PCNT: variants seen among roughly 807,000 people sequenced by gnomAD.
The protein encoded by PCNT is kendrin.
Under a neutral mutation model 380.4 loss-of-function variants are expected in PCNT, and 319 were observed. The observed-to-expected ratio is 0.84, with a 90% CI of 0.77 to 0.92. The LOEUF (loss-of-function observed/expected upper bound fraction) is 0.92. Ranked by LOEUF, PCNT falls within the 40% of genes least tolerant of loss-of-function variation. The pLI, the probability that PCNT is intolerant of heterozygous loss-of-function variation, is 0.00. For synonymous variants in PCNT, 1,845 were observed against 1,735.2 expected (o/e 1.06, Z -1.57); for missense variants, 4,400 against 4,255.3 (o/e 1.03, Z -0.95).
chr21:46,368,721 G>A (rs951186834), intron 15 of PCNT, among the ~76,000 whole-genome samples: 6 of 152,268 alleles, frequency 3.9e-5, no homozygotes, highest in Admixed American at 1.3e-4. Flanking sequence ...TCTCCCTGCA[G>A]GAAGGGGATG....
rs949466426 is a variant in PCNT, at chr21:46,425,477, A to G, written c.7180-354A>G. Among the ~76,000 whole-genome samples the G allele has an allele frequency of 6.6e-6, 1 of 152,212 alleles. No individual in the cohort carries two copies. The highest frequency in any genetic ancestry group is 1.5e-5 in the Non-Finnish European group (1 of 68,034). On this transcript the variant is annotated intron_variant, in intron 32 of 46. Coordinates refer to ENST00000359568, the MANE Select transcript of PCNT (RefSeq NM_006031.6). The surrounding 1 kb of genome is among the most constrained non-coding windows in gnomAD (Gnocchi z 4.2). ...ATATGTTTGTGATCTCGCTGTGGAC[A>G]TTGGCCTAAAGCCCTGCCCTGAGCT...
In PCNT at chr21:46,357,090, C is replaced by A. The variant is rs1264450771; in HGVS notation, c.2053C>A (p.Gln685Lys). ...GCACAAGGTGCAACTTTCGCTTCTT[C>A]AGACTGAGCTCAAAGAAGAAATTGA... ...TEHKVQLSLL[Q>K]TELKEEIELL... The change falls in exon 13 of 47, where the codon CAG becomes AAG. Residue 685 changes from glutamine to lysine, a missense_variant. Physicochemically the swap from Gln to Lys is moderately conservative, Grantham distance 53. Coordinates refer to ENST00000359568, the MANE Select transcript of PCNT (RefSeq NM_006031.6). The A allele has an allele frequency of 1.2e-5, 19 of 1,613,614 alleles. No individual in the cohort carries two copies. Among genetic ancestry groups the A allele is most frequent in the Non-Finnish European group, 1.4e-5 (16 of 1,179,508 alleles).
chr21:46,403,807 A>G (rs1388193926), intron 27 of PCNT, among the ~76,000 whole-genome samples: 3 of 139,712 alleles, frequency 2.1e-5, no homozygotes, highest in Admixed American at 7.2e-5. Flanking sequence ...TGTGGTGCCC[A>G]CGCGGCACGT....
At chr21:46,436,756 C>T (rs1376553847) in intron 39 of PCNT, among the ~76,000 whole-genome samples, 4 of 152,000 alleles carry the variant, frequency 2.6e-5, no homozygotes, top group African/African-American at 4.8e-5. Context: ...TGCTCGGTGG[C>T]GCGCCTCCCG....
intron 21 of PCNT, among the ~76,000 whole-genome samples, chr21:46,396,152 A>C (rs1440496150): frequency 6.6e-6 from 1 of 152,232 alleles, no homozygotes; most frequent in East Asian, 1.9e-4. Flanking sequence ...TTTTTCCAAG[A>C]CGCTTTTTCA....
At chr21:46,372,092 TAGCACATGTGCATACAC>T (rs1569214394) in intron 15 of PCNT, among the ~76,000 whole-genome samples, 4 of 126,046 alleles carry the variant, frequency 3.2e-5, no homozygotes, top group Non-Finnish European at 6.6e-5. Flanking sequence ...TGCGCACACA[TAGCACATGTGCATACAC>T]AGCACATGCA....
chr21:46,352,365 G>GT (rs1257420799), intron 9 of PCNT, among the ~76,000 whole-genome samples: 1 of 152,158 alleles, frequency 6.6e-6, no homozygotes, highest in East Asian at 1.9e-4. Flanking sequence ...TTCCTCTGGG[G>GT]GTCTGTCTGT....
intron 43 of PCNT, among the ~76,000 whole-genome samples, chr21:46,442,291 G>A (rs1041701416): frequency 4.6e-5 from 7 of 152,072 alleles, no homozygotes; most frequent in Non-Finnish European, 1.0e-4. Flanking sequence ...TGGGAAGGTC[G>A]CCGCCGCCGG....
intron 9 of PCNT, among the ~76,000 whole-genome samples, 175 bp from the exon 10 acceptor site, chr21:46,352,929 A>T (rs1170837779): frequency 6.6e-6 from 1 of 152,176 alleles, no homozygotes; most frequent in Non-Finnish European, 1.5e-5. Context: ...AGAGCTCTCC[A>T]CATTCAGGGG....
At chr21:46,405,903 T>C (rs1295591442) in intron 27 of PCNT, among the ~76,000 whole-genome samples, 1 of 152,340 alleles carries the variant, frequency 6.6e-6, no homozygotes, top group African/African-American at 2.4e-5. Flanking sequence ...TCTTGTGGGA[T>C]TTTTCTTACA....
chr21:46,381,728 A>G lies in PCNT; in HGVS notation c.3200A>G (p.His1067Arg), dbSNP rs536116120. The G allele has an allele frequency of 1.2e-5, 20 of 1,614,212 alleles. No individual in the cohort carries two copies. The highest frequency in any genetic ancestry group is 4.5e-5 in the East Asian group (2 of 44,892). Residue 1067 changes from histidine (H) to arginine (R), a missense_variant, in exon 16 of 47, where the codon CAT becomes CGT. By Grantham distance (29) the His-to-Arg change is conservative. Transcript: ENST00000359568. ...EFGSEKKTAL[H>R]EKEETLRLQS... is the part of the protein sequence containing the mutation. ...GGAAGTGAAAAGAAAACTGCTTTGC[A>G]TGAAAAAGAGGAGACACTTCGGCTT...
At chr21:46,422,158 C>G in intron 32 of PCNT, 34 bp downstream of exon 32, 1 of 1,611,542 alleles carries the variant, frequency 6.2e-7, no homozygotes, top group Non-Finnish European at 8.5e-7. Context: ...CACAGCTTCA[C>G]ATGTGCAGCC....
intron 32 of PCNT, among the ~76,000 whole-genome samples, chr21:46,422,532 A>G (rs1258743542): frequency 4.6e-5 from 7 of 152,340 alleles, no homozygotes; most frequent in African/African-American, 1.4e-4. Flanking sequence ...GAAGCCACTC[A>G]GCCTCCTTGG....
Position 46,411,879 on chromosome 21 carries a change from C to T in PCNT, c.5806C>T (p.Leu1936=). 1.3e-6 allele frequency: 2 copies of T among 1,571,702 alleles called. No homozygotes were observed. Among genetic ancestry groups the T allele is most frequent in the Non-Finnish European group, 1.7e-6 (2 of 1,166,194 alleles). The stretch of plus-strand genomic sequence containing the variant: ...CCGCCTCAGCCGCCAGCTGCAGGTG[C>T]TGCACCAGCGGTTCCTGAGGTGCCA... ...CARLSRQLQV[L]HQRFLRCQVE... Residue 1936 remains leucine, a synonymous_variant, in exon 28 of 47, where the codon CTG becomes TTG. Coordinates refer to ENST00000359568, the MANE Select transcript of PCNT (RefSeq NM_006031.6).
chr21:46,347,711 C>G (rs1220911562), intron 6 of PCNT, among the ~76,000 whole-genome samples, 199 bp downstream of exon 6: 1 of 152,192 alleles, frequency 6.6e-6, no homozygotes, highest in Non-Finnish European at 1.5e-5. Context: ...TTTGTTGTTT[C>G]ACATTGACTT....
chr21:46,393,037 T>C (rs2086085972), intron 21 of PCNT, among the ~76,000 whole-genome samples: 1 of 152,202 alleles, frequency 6.6e-6, no homozygotes, highest in South Asian at 2.1e-4. Flanking sequence ...CGTTGGGCCC[T>C]TGCTCGGGGG....
chr21:46,441,418 C>T (rs1214574821), intron 43 of PCNT, among the ~76,000 whole-genome samples: 1 of 152,144 alleles, frequency 6.6e-6, no homozygotes, highest in East Asian at 1.9e-4. Flanking sequence ...TGTGCCTGCT[C>T]CCTGATGCCA....
chr21:46,415,510 G>A (rs1391677396), intron 29 of PCNT, among the ~76,000 whole-genome samples: 3 of 150,854 alleles, frequency 2.0e-5, no homozygotes, highest in African/African-American at 4.9e-5. Flanking sequence ...TCAGCCTCCC[G>A]AGTAGCTAGG....
At chr21:46,430,269 G>A (rs376582465) in intron 36 of PCNT, 37 bp downstream of exon 36, 4 of 1,572,792 alleles carry the variant, frequency 2.5e-6, no homozygotes, top group Admixed American at 1.7e-5. Context: ...ACTGGCGGGA[G>A]TCCCCCCGTT....
Sources: allele counts gnomAD v4.1 joint callset (sites outside exome capture counted in the v4.1 genomes callset), GRCh38; gene constraint gnomAD v4.1.1; non-coding constraint Gnocchi (gnomAD v3.1); transcripts MANE v1.5; gene names NCBI Gene and HGNC (gene_info 2026-07-23, HGNC 2026-07-21).